HECTD4: variants seen among roughly 807,000 people sequenced by gnomAD.
The protein encoded by HECTD4 is HECT domain E3 ubiquitin protein ligase 4, also known as probable E3 ubiquitin-protein ligase HECTD4.
Under a neutral mutation model 471.5 loss-of-function variants are expected in HECTD4, and 114 were observed. The ratio of observed to expected loss-of-function variants is 0.24; its 90% confidence interval spans 0.21 to 0.28. The LOEUF is 0.28. Ranked by LOEUF, HECTD4 falls within the 10% of genes least tolerant of loss-of-function variation. The pLI, the probability that HECTD4 is intolerant of heterozygous loss-of-function variation, is 1.00. For synonymous variants in HECTD4, 2,012 were observed against 2,256.0 expected, an observed-to-expected ratio of 0.89 and a Z score of 3.07; for missense variants, 3,866 against 5,651.5, an observed-to-expected ratio of 0.68 and a Z score of 10.13.
chr12:112,267,001 C>T lies in HECTD4; in HGVS notation c.2322-19G>A. On this transcript the variant is annotated intron_variant, in intron 13 of 75. Transcript: ENST00000682272. ...ACCAGAGCTGAAATGACAAAAAAGT[C>T]AAAAACATTTAAGCAAATGTTCTAG... 1 of 1,365,382 alleles carries T rather than the reference C, an allele frequency of 7.3e-7. No individual in the cohort carries two copies. Among genetic ancestry groups the T allele is most frequent in the African/African-American group, 1.5e-5 (1 of 68,726 alleles). The allele number at this position is 1,365,382 out of a possible 1,614,324, so 84.6% of individuals were successfully genotyped here. A position where few individuals can be genotyped will look rare whatever the true frequency, so the allele number is the denominator to read the frequency against.
chr12:112,214,501 G>A (rs926405770), intron 48 of HECTD4, among the ~76,000 whole-genome samples: 1 of 152,186 alleles, frequency 6.6e-6, no homozygotes. Context: ...ATGAATGGAA[G>A]CCCATGTATT....
At chr12:112,294,980 A>T (rs571247149) in intron 7 of HECTD4, among the ~76,000 whole-genome samples, 1 of 152,260 alleles carries the variant, frequency 6.6e-6, no homozygotes, top group Non-Finnish European at 1.5e-5. Context: ...TTTAGCAAAT[A>T]TTTAATAAGC....
In HECTD4 at chr12:112,172,780, G is replaced by A. The variant is rs1435753244; in HGVS notation, c.11676C>T (p.Tyr3892=). ...TLEMDVALVQ[Y]INQLCRHLAI... is the part of the protein sequence containing the mutation. ...CGAGGTGGCGGCATAGCTGGTTGAT[G>A]TACTGCACAAGTGCCACGTCCATCT... Residue 3892 remains tyrosine, a synonymous_variant, in exon 67 of 76, where the codon TAC becomes TAT. Transcript: ENST00000682272. The A allele has an allele frequency of 1.9e-6, 3 of 1,614,008 alleles. No homozygotes were observed. Among genetic ancestry groups the A allele is most frequent in the Admixed American group, 1.7e-5 (1 of 60,020 alleles).
At chr12:112,164,027 C>T in intron 73 of HECTD4, 82 bp downstream of exon 73, 1 of 1,326,430 alleles carries the variant, frequency 7.5e-7, no homozygotes, top group Non-Finnish European at 9.8e-7. Context: ...CGTGTCATTG[C>T]CCAGGAACAG....
In HECTD4 at chr12:112,239,013, A is replaced by G. The variant is rs760379718; in HGVS notation, c.5290+39T>C. ...ACCAATAAACTAACACACCAATAGA[A>G]GAAATCAGTGAGCTCTAGAAAGGAG... On this transcript the variant is annotated intron_variant, in intron 34 of 75. Transcript: ENST00000682272. The surrounding 1 kb of genome is among the most constrained non-coding windows in gnomAD (Gnocchi z 4.9). 3.1e-5 allele frequency: 48 copies of G among 1,550,936 alleles called. No individual in the cohort carries two copies. Among genetic ancestry groups the G allele is most frequent in the Non-Finnish European group, 3.6e-5 (41 of 1,150,226 alleles).
chr12:112,342,679 G>GA (rs2036074295), intron 1 of HECTD4, among the ~76,000 whole-genome samples: 2 of 152,066 alleles, frequency 1.3e-5, no homozygotes, highest in African/African-American at 4.8e-5. Context: ...CTAGAACACT[G>GA]AAAAAAACTC....
At position 112,267,213 on chromosome 12, in the gene HECTD4, C is replaced by T. The variant is rs1420345914; in HGVS notation, c.2322-231G>A. On this transcript the variant is annotated intron_variant, in intron 13 of 75. Transcript: ENST00000682272. ...TGCGTCCCTCCCGAAGCTGCGCGCT[C>T]GGTCGAAGAGGACGACCATCCCCGA... 24 of 505,804 alleles carry T rather than the reference C, an allele frequency of 4.7e-5. No homozygotes were observed. In the South Asian group the frequency reaches 4.9e-4, roughly 10 times the overall value. 31.3% of individuals were successfully genotyped at this position (505,804 alleles called of 1,614,324 possible). A position where few individuals can be genotyped will look rare whatever the true frequency, so the allele number is the denominator to read the frequency against.
rs542012726 is a variant in HECTD4 at position 112,163,270 on chromosome 12, G to T, written c.12898-6C>A. The T allele has an allele frequency of 5.2e-5, 83 of 1,608,712 alleles. No individual in the cohort carries two copies. In the South Asian group the frequency reaches 7.3e-4, roughly 14 times the overall value. On this transcript the variant is annotated splice_region_variant and splice_polypyrimidine_tract_variant and intron_variant, in intron 74 of 75. Transcript: ENST00000682272. This position sits in a 1 kb window ranked among gnomAD's most constrained non-coding sequence, Gnocchi z 8.2. ...ACTTGGTACATGGTGTGGGCCTGGG[G>T]AGGAGAGGTCCAGGTGTCAGGAGCC... is the stretch of plus-strand genomic sequence containing the variant.
intron 1 of HECTD4, among the ~76,000 whole-genome samples, chr12:112,379,166 T>C (rs1386294486): frequency 6.6e-6 from 1 of 152,070 alleles, no homozygotes; most frequent in Non-Finnish European, 1.5e-5. Flanking sequence ...TAATTGCAAA[T>C]AAAAATACTA....
Position 112,184,820 on chromosome 12 carries a change from G to A in HECTD4, c.10146C>T (p.Ile3382=), listed in dbSNP as rs562032360. The change falls in exon 61 of 76, where the codon ATC becomes ATT. Residue 3382 remains isoleucine, a synonymous_variant. Coordinates refer to ENST00000682272, the MANE Select transcript of HECTD4 (RefSeq NM_001388303.1). The surrounding 1 kb of genome is among the most constrained non-coding windows in gnomAD (Gnocchi z 9.1). ...CCACCAGGGCCTGGCAGGCATCGGCGATGGCGTCACTCGTCACGCCCAGCC... is the reference window on the plus strand; with the variant it reads ...CCACCAGGGCCTGGCAGGCATCGGCAATGGCGTCACTCGTCACGCCCAGCC... The part of the protein sequence containing the change: ...PQGLGVTSDA[I]ADACQALVGP... The A allele has an allele frequency of 1.1e-5, 17 of 1,609,444 alleles. No individual in the cohort carries two copies. The South Asian group carries it at 1.2e-4, about 11-fold the overall frequency.
chr12:112,205,454 A>G (rs961675621), intron 52 of HECTD4, among the ~76,000 whole-genome samples: 2 of 152,162 alleles, frequency 1.3e-5, no homozygotes, highest in African/African-American at 2.4e-5. Context: ...AAAAAAGTAG[A>G]AAAAACCGAA....
chr12:112,246,860 C>A, intron 29 of HECTD4, 41 bp downstream of exon 29: 1 of 1,564,536 alleles, frequency 6.4e-7, no homozygotes, highest in South Asian at 1.2e-5. Context: ...ATTCTCTGTT[C>A]ATATAACAGA....
intron 67 of HECTD4, 144 bp downstream of exon 67, chr12:112,172,527 T>A (rs2031267179): frequency 2.5e-6 from 2 of 796,414 alleles, no homozygotes; most frequent in Admixed American, 2.5e-5. Flanking sequence ...AGCCCACTCT[T>A]CCTTGCACAC....
At chr12:112,289,735 G>A (rs577199198) in intron 7 of HECTD4, among the ~76,000 whole-genome samples, 69 of 152,208 alleles carry the variant, frequency 4.5e-4, no homozygotes, top group African/African-American at 1.5e-3. Context: ...GGAGTGCAGT[G>A]GCATGATCTC....
chr12:112,174,290 G>T (rs1322967201), intron 66 of HECTD4, among the ~76,000 whole-genome samples: 1 of 139,876 alleles, frequency 7.1e-6, no homozygotes, highest in African/African-American at 2.7e-5. Context: ...TTAAGACAGA[G>T]TGTGGCTCTT....
chr12:112,214,721 C>T (rs749498985), intron 48 of HECTD4, among the ~76,000 whole-genome samples: 4 of 152,218 alleles, frequency 2.6e-5, no homozygotes, highest in Non-Finnish European at 5.9e-5. Flanking sequence ...CCCTGACATA[C>T]ACCCTTTTGT....
chr12:112,309,456 C>A lies in HECTD4; in HGVS notation c.1025+105G>T, dbSNP rs2035331580. 5.4e-6 allele frequency: 3 copies of A among 550,470 alleles called. No individual in the cohort carries two copies. The East Asian group carries it at 9.1e-5, about 17-fold the overall frequency. The allele number at this position is 550,470 out of a possible 1,614,324, so 34.1% of individuals were successfully genotyped here. On this transcript the variant is annotated intron_variant, in intron 5 of 75. Coordinates refer to ENST00000682272, the MANE Select transcript of HECTD4 (RefSeq NM_001388303.1). ...TTAGTTCAGACTTGTTATTTAGTTA[C>A]TAGTCTATGGGGAGCTGGAATCTAC...
intron 24 of HECTD4, 82 bp downstream of exon 24, chr12:112,250,889 G>A: frequency 7.3e-7 from 1 of 1,378,552 alleles, no homozygotes. Context: ...AATCACCTGG[G>A]AAATGTACCA....
chr12:112,293,164 G>A (rs2034929122), intron 7 of HECTD4, among the ~76,000 whole-genome samples: 1 of 151,824 alleles, frequency 6.6e-6, no homozygotes, highest in African/African-American at 2.4e-5. Context: ...TCAGGAGTTC[G>A]AGACCAGCCT....
Sources: allele counts gnomAD v4.1 joint callset (sites outside exome capture counted in the v4.1 genomes callset), GRCh38; gene constraint gnomAD v4.1.1; non-coding constraint Gnocchi (gnomAD v3.1); transcripts MANE v1.5; gene names NCBI Gene and HGNC (gene_info 2026-07-23, HGNC 2026-07-21).